Variants in CPED1 observed in about 807,000 individuals in gnomAD.
The protein encoded by CPED1 is cadherin-like and PC-esterase domain-containing protein 1.
In CPED1, 114 loss-of-function variants were observed where a neutral mutation model predicts 128.2. That is an observed-to-expected ratio of 0.89 (90% CI 0.76 to 1.04). The LOEUF (loss-of-function observed/expected upper bound fraction) is 1.04, where lower values mean the gene tolerates loss of function less well. Among genes scored for constraint, CPED1 ranks in the 50% least tolerant of loss-of-function variants. The pLI is 0.00. For missense variants in CPED1, 1,211 were observed against 1,207.1 expected (o/e 1.00, Z -0.05); for synonymous variants, 462 against 426.7 (o/e 1.08, Z -1.02).
intron 16 of CPED1, among the ~76,000 whole-genome samples, chr7:121,171,125 A>G (rs1796641812): frequency 1.3e-5 from 2 of 152,114 alleles, no homozygotes; most frequent in Non-Finnish European, 2.9e-5. Context: ...AGTTTTGCCT[A>G]CCAAGGAGGT....
chr7:121,071,859 A>AGCCTCC (rs1268742239), intron 5 of CPED1, among the ~76,000 whole-genome samples: 1 of 152,086 alleles, frequency 6.6e-6, no homozygotes, highest in Non-Finnish European at 1.5e-5. Flanking sequence ...CTTCAGCTTC[A>AGCCTCC]GCCTCCCACC....
intron 7 of CPED1, among the ~76,000 whole-genome samples, chr7:121,103,102 G>T (rs1242720285): frequency 1.3e-5 from 2 of 152,000 alleles, no homozygotes; most frequent in Admixed American, 1.3e-4. Flanking sequence ...GAAAATAAAT[G>T]AAAAAAGAAA....
At chr7:121,143,152 A>G (rs10235232) in intron 16 of CPED1, among the ~76,000 whole-genome samples, 98,798 of 151,774 alleles carry the variant, frequency 0.65, 32,491 homozygotes, top group East Asian at 0.89. Context: ...ATTTCACATT[A>G]GTCTGAAGAT....
At chr7:121,170,160 T>C (rs1796620807) in intron 16 of CPED1, among the ~76,000 whole-genome samples, 1 of 152,104 alleles carries the variant, frequency 6.6e-6, no homozygotes, top group Admixed American at 6.5e-5. Flanking sequence ...GAAGAGTGAG[T>C]CCATATATAA....
intron 16 of CPED1, among the ~76,000 whole-genome samples, chr7:121,210,801 G>A (rs1797625322): frequency 1.3e-5 from 2 of 151,778 alleles, no homozygotes; most frequent in African/African-American, 4.8e-5. Context: ...ATAACTGAGG[G>A]AGTACAATTG....
intron 12 of CPED1, 53 bp from the exon 13 acceptor site, chr7:121,133,770 C>A: frequency 8.4e-7 from 1 of 1,190,498 alleles, no homozygotes. Flanking sequence ...ATGTAATTTC[C>A]ACGCGTTTTG....
chr7:121,140,050 T>G (rs1483225478), intron 14 of CPED1, among the ~76,000 whole-genome samples: 1 of 152,108 alleles, frequency 6.6e-6, no homozygotes, highest in African/African-American at 2.4e-5. Context: ...AACATTAACA[T>G]TGAATATAAC....
At chr7:121,067,286 C>T (rs1029918452) in intron 5 of CPED1, among the ~76,000 whole-genome samples, 16 of 151,762 alleles carry the variant, frequency 1.1e-4, no homozygotes, top group African/African-American at 3.9e-4. Flanking sequence ...CACAACAGGC[C>T]CTGGTGTGTG....
intron 16 of CPED1, among the ~76,000 whole-genome samples, chr7:121,176,824 A>C (rs1280515970): frequency 6.6e-6 from 1 of 152,092 alleles, no homozygotes; most frequent in Non-Finnish European, 1.5e-5. Context: ...GGACCAAGGC[A>C]ATCTGAAGTA....
intron 5 of CPED1, among the ~76,000 whole-genome samples, chr7:121,095,586 G>GTT (rs1794679405): frequency 6.6e-6 from 1 of 151,808 alleles, no homozygotes; most frequent in Admixed American, 6.6e-5. Context: ...AAAAATAAAG[G>GTT]TAACATTATT....
At chr7:121,213,132 A>G (rs569486461) in intron 16 of CPED1, among the ~76,000 whole-genome samples, 1 of 151,618 alleles carries the variant, frequency 6.6e-6, no homozygotes, top group Admixed American at 6.6e-5. Flanking sequence ...TAATTGGTCC[A>G]TAAATGTTTC....
At chr7:121,198,510 C>T (rs1200007623) in intron 16 of CPED1, among the ~76,000 whole-genome samples, 1 of 152,098 alleles carries the variant, frequency 6.6e-6, no homozygotes, top group Non-Finnish European at 1.5e-5. Context: ...AGTTTATTTG[C>T]CATGGGGTTG....
At chr7:121,044,331 G>A (rs369023029) in intron 3 of CPED1, among the ~76,000 whole-genome samples, 72 of 152,228 alleles carry the variant, frequency 4.7e-4, no homozygotes, top group African/African-American at 1.7e-3. Context: ...GATTCAATGC[G>A]GGTAACAGTG....
intron 5 of CPED1, among the ~76,000 whole-genome samples, chr7:121,065,795 G>A (rs1669327626): frequency 6.6e-6 from 1 of 151,954 alleles, no homozygotes; most frequent in South Asian, 2.1e-4. Flanking sequence ...GGCATTTGTA[G>A]TTCTTTCTAC....
chr7:121,000,370 C>T (rs562277858), intron 2 of CPED1, among the ~76,000 whole-genome samples: 6 of 152,084 alleles, frequency 3.9e-5, no homozygotes, highest in South Asian at 4.2e-4. Context: ...ATATGGAGTT[C>T]GGAAAGAAAC....
rs1290721318 is a variant in CPED1 at position 120,992,014 on chromosome 7, A to G, written c.249+2144A>G. ...ACATGTTAATTAAAACCAGATACAA[A>G]TTAATTCTACTTATAGTATATGTTT... On this transcript the variant is annotated intron_variant, in intron 2 of 22. Transcript: ENST00000310396. 2.6e-5 allele frequency among the ~76,000 whole-genome samples: 4 copies of G among 152,162 alleles called. No individual in the cohort carries two copies. In the East Asian group the frequency reaches 7.7e-4, roughly 29 times the overall value.
At chr7:121,028,917 A>G (rs1792663081) in intron 3 of CPED1, among the ~76,000 whole-genome samples, 1 of 152,180 alleles carries the variant, frequency 6.6e-6, no homozygotes, top group Non-Finnish European at 1.5e-5. Flanking sequence ...TATACATTTT[A>G]TGCAGTTTTC....
chr7:121,012,172 C>T (rs1792176368), intron 2 of CPED1, among the ~76,000 whole-genome samples: 1 of 152,210 alleles, frequency 6.6e-6, no homozygotes, highest in African/African-American at 2.4e-5. Flanking sequence ...GCATCCAATG[C>T]TCCCAGTACT....
At chr7:121,193,128 G>A (rs143857818) in intron 16 of CPED1, among the ~76,000 whole-genome samples, 1,654 of 152,232 alleles carry the variant, frequency 0.011, 41 homozygotes, top group South Asian at 0.014. Flanking sequence ...ACTGAAATAC[G>A]CAGAGACATG....
Sources: allele counts gnomAD v4.1 joint callset (sites outside exome capture counted in the v4.1 genomes callset), GRCh38; gene constraint gnomAD v4.1.1; transcripts MANE v1.5; gene names NCBI Gene and HGNC (gene_info 2026-07-23, HGNC 2026-07-21).